Variants in IPO11 observed in about 807,000 individuals in gnomAD.
IPO11 encodes importin 11, also known as importin-11.
IPO11 carries 66 observed loss-of-function variants against 143.2 expected under a neutral mutation model. The observed-to-expected ratio is 0.46, with a 90% CI of 0.38 to 0.57. IPO11 has a LOEUF of 0.57. Ranked by LOEUF, IPO11 falls within the 20% of genes least tolerant of loss-of-function variation. The probability of loss-of-function intolerance (pLI) is 0.00; values close to 1 mark genes in which losing one functional copy is unlikely to be tolerated. For synonymous variants in IPO11, 385 were observed against 377.8 expected (o/e 1.02, Z -0.22); for missense variants, 1,026 against 1,141.0 (o/e 0.90, Z 1.45).
chr5:62,616,943 A>G (rs1050730291), intron 29 of IPO11, among the ~76,000 whole-genome samples: 1 of 149,696 alleles, frequency 6.7e-6, no homozygotes, highest in African/African-American at 2.6e-5. Context: ...GATTGAGGAC[A>G]CTGACTGACC....
chr5:62,456,920 C>T (rs888094646), intron 5 of IPO11, among the ~76,000 whole-genome samples: 8 of 151,890 alleles, frequency 5.3e-5, no homozygotes, highest in Non-Finnish European at 8.8e-5. Context: ...GGTGAAACCC[C>T]GTCTGTACTA....
At chr5:62,473,548 A>G (rs1414132035) in intron 7 of IPO11, among the ~76,000 whole-genome samples, 3 of 152,180 alleles carry the variant, frequency 2.0e-5, no homozygotes, top group African/African-American at 4.8e-5. Context: ...GAATTGATCA[A>G]TGAACAATAT....
chr5:62,604,194 C>CT (rs2112453103), intron 29 of IPO11, among the ~76,000 whole-genome samples: 1 of 152,156 alleles, frequency 6.6e-6, no homozygotes, highest in South Asian at 2.1e-4. Context: ...TGAAATTAAA[C>CT]TGTTTTGTGG....
At chr5:62,465,769 A>C (rs866202911) in intron 5 of IPO11, among the ~76,000 whole-genome samples, 1 of 152,276 alleles carries the variant, frequency 6.6e-6, no homozygotes, top group African/African-American at 2.4e-5. Flanking sequence ...TTGTAAAGAT[A>C]CAGTGAACCA....
At chr5:62,490,055 A>T in intron 14 of IPO11, 60 bp from the exon 15 acceptor site, 2 of 882,420 alleles carry the variant, frequency 2.3e-6, no homozygotes, top group Non-Finnish European at 3.4e-6. Context: ...TGTTTCATAC[A>T]CTCATTTGCA....
At chr5:62,450,801 C>T (rs1195023706) in intron 4 of IPO11, among the ~76,000 whole-genome samples, 1 of 151,280 alleles carries the variant, frequency 6.6e-6, no homozygotes, top group Non-Finnish European at 1.5e-5. Context: ...ATATTGAGGT[C>T]TTCTAAGAAT....
chr5:62,567,478 T>C (rs1367385707), intron 27 of IPO11, among the ~76,000 whole-genome samples: 4 of 135,714 alleles, frequency 2.9e-5, no homozygotes, highest in East Asian at 4.1e-4. Flanking sequence ...TTTTCTATTA[T>C]TATTATTATT....
chr5:62,424,144 T>TG (rs1033050244), intron 1 of IPO11, among the ~76,000 whole-genome samples: 2 of 151,010 alleles, frequency 1.3e-5, no homozygotes, highest in Non-Finnish European at 3.0e-5. Context: ...TCAGCTTTTT[T>TG]TTTTTTGTTT....
At chr5:62,554,711 T>A (rs574632830) in intron 26 of IPO11, among the ~76,000 whole-genome samples, 1 of 148,678 alleles carries the variant, frequency 6.7e-6, no homozygotes, top group South Asian at 2.2e-4. Flanking sequence ...AGACACACAC[T>A]TTTTTGGGGG....
At position 62,436,392 on chromosome 5, in the gene IPO11, A is replaced by G. The variant is rs188957646; in HGVS notation, c.-6-882A>G. ...TGTCACTAAGCTGTATCAATACAGT[A>G]CAACGCTATTCCCTGTCACCCCTGC... is the stretch of plus-strand genomic sequence containing the variant. On this transcript the variant is annotated intron_variant, in intron 1 of 29. Coordinates refer to ENST00000325324, the MANE Select transcript of IPO11 (RefSeq NM_016338.5). Among the ~76,000 whole-genome samples the G allele has an allele frequency of 2.6e-5, 4 of 152,352 alleles. No individual in the cohort carries two copies. The East Asian group carries it at 7.7e-4, about 29-fold the overall frequency.
chr5:62,591,935 C>T (rs1052598505), intron 28 of IPO11, among the ~76,000 whole-genome samples: 3 of 152,124 alleles, frequency 2.0e-5, no homozygotes, highest in African/African-American at 4.8e-5. Context: ...CCGCAACCTC[C>T]GCCTCCCAGG....
intron 3 of IPO11, among the ~76,000 whole-genome samples, chr5:62,446,896 G>A (rs970641149): frequency 3.9e-5 from 6 of 151,968 alleles, no homozygotes; most frequent in African/African-American, 1.5e-4. Flanking sequence ...GAACCTGGGA[G>A]GCAGAGGTTG....
At chr5:62,546,504 G>A (rs966525803) in intron 24 of IPO11, among the ~76,000 whole-genome samples, 6 of 151,986 alleles carry the variant, frequency 3.9e-5, no homozygotes, top group African/African-American at 9.7e-5. Context: ...TGTAAATGAC[G>A]AGCTAATGGG....
At chr5:62,438,729 G>T (rs553803707) in intron 2 of IPO11, among the ~76,000 whole-genome samples, 2 of 148,970 alleles carry the variant, frequency 1.3e-5, no homozygotes, top group South Asian at 4.2e-4. Context: ...TCCAGTCTGG[G>T]CAACAAGAAC....
chr5:62,554,394 A>G (rs1245340044), intron 26 of IPO11, among the ~76,000 whole-genome samples: 1 of 152,072 alleles, frequency 6.6e-6, no homozygotes, highest in African/African-American at 2.4e-5. Flanking sequence ...TTCTTCTAGT[A>G]ATCTTATAGT....
In IPO11 at chr5:62,419,227, C is replaced by T. The variant is rs1580154108; in HGVS notation, c.-7+6298C>T. The T allele has an allele frequency of 7.0e-6, 9 of 1,279,876 alleles. No individual in the cohort carries two copies. In the East Asian group the frequency reaches 1.6e-4, roughly 23 times the overall value. 79.3% of individuals were successfully genotyped at this position (1,279,876 alleles called of 1,614,324 possible). A position where few individuals can be genotyped will look rare whatever the true frequency, so the allele number is the denominator to read the frequency against. On this transcript the variant is annotated intron_variant, in intron 1 of 29. Transcript: ENST00000325324. The stretch of plus-strand genomic sequence containing the variant: ...GTACATCTGTACAGGGCACTTACCT[C>T]GAATGGAGCTTGGAGGACTGGAAAT...
At chr5:62,598,535 CTT>C (rs374602507) in intron 28 of IPO11, among the ~76,000 whole-genome samples, 1 of 5,842 alleles carries the variant, frequency 1.7e-4, no homozygotes, top group Admixed American at 2.1e-3. Context: ...TCTTTTCTTT[CTT>C]TTCTTTCTTT....
intron 12 of IPO11, among the ~76,000 whole-genome samples, 156 bp downstream of exon 12, chr5:62,485,618 C>T (rs1031749529): frequency 6.6e-5 from 10 of 151,986 alleles, no homozygotes; most frequent in Admixed American, 1.3e-4. Context: ...GTGGGAGGAT[C>T]GCTTGAGGCC....
intron 9 of IPO11, among the ~76,000 whole-genome samples, chr5:62,480,561 C>T (rs7725660): frequency 0.017 from 2,575 of 152,224 alleles, 68 homozygotes; most frequent in African/African-American, 0.06. Context: ...ATTGATTCTT[C>T]CTATCCACGA....
Sources: allele counts gnomAD v4.1 joint callset (sites outside exome capture counted in the v4.1 genomes callset), GRCh38; gene constraint gnomAD v4.1.1; transcripts MANE v1.5; gene names NCBI Gene and HGNC (gene_info 2026-07-23, HGNC 2026-07-21).